Variants in ACYP2 observed in about 807,000 individuals in gnomAD.
The protein encoded by ACYP2 is acylphosphatase-2.
In ACYP2, 12 loss-of-function variants were observed where a neutral mutation model predicts 11.2. The ratio of observed to expected loss-of-function variants is 1.08; its 90% CI spans 0.69 to 1.74. ACYP2 has a LOEUF of 1.74. Among genes scored for constraint, ACYP2 ranks in the 40% most tolerant of loss-of-function variants. The probability of loss-of-function intolerance (pLI) is 0.00; values close to 1 mark genes in which losing one functional copy is unlikely to be tolerated. For synonymous variants in ACYP2, 43 were observed against 32.2 expected (o/e 1.33, Z -1.13); for missense variants, 134 against 101.9 (o/e 1.31, Z -1.35).
At chr2:54,244,317 T>G (rs1482573190) in intron 6 of ACYP2, among the ~76,000 whole-genome samples, 1 of 152,188 alleles carries the variant, frequency 6.6e-6, no homozygotes, top group East Asian at 1.9e-4. Context: ...TTCTTGCGCC[T>G]TAGCCTCCCC....
chr2:54,211,894 T>C (rs893728419), intron 6 of ACYP2, among the ~76,000 whole-genome samples: 1 of 152,222 alleles, frequency 6.6e-6, no homozygotes, highest in Non-Finnish European at 1.5e-5. Context: ...CCAGGAACTC[T>C]GCTTTCTTTC....
At chr2:54,219,905 A>ATATATTTTTT (rs1288814375) in intron 6 of ACYP2, among the ~76,000 whole-genome samples, 31 of 75,970 alleles carry the variant, frequency 4.1e-4, no homozygotes, top group South Asian at 1.2e-3. Context: ...ATATATATAT[A>ATATATTTTTT]TTTTTTTTTT....
intron 6 of ACYP2, among the ~76,000 whole-genome samples, chr2:54,298,898 C>G (rs1167247679): frequency 2.0e-5 from 3 of 152,186 alleles, no homozygotes; most frequent in Non-Finnish European, 4.4e-5. Context: ...CTTAACGGTG[C>G]ACACCACCAT....
At chr2:54,102,422 A>C (rs1049881764) in intron 4 of ACYP2, among the ~76,000 whole-genome samples, 1 of 152,072 alleles carries the variant, frequency 6.6e-6, no homozygotes, top group African/African-American at 2.4e-5. Context: ...CAAGAACTCA[A>C]ATGATGTCAC....
intron 6 of ACYP2, among the ~76,000 whole-genome samples, chr2:54,276,889 C>T (rs1008242345): frequency 3.9e-5 from 6 of 152,026 alleles, no homozygotes; most frequent in African/African-American, 9.7e-5. Flanking sequence ...TGGGGTCATC[C>T]GCTACATCCT....
intron 4 of ACYP2, among the ~76,000 whole-genome samples, chr2:54,093,812 C>T (rs191426861): frequency 2.6e-5 from 4 of 152,166 alleles, no homozygotes; most frequent in East Asian, 3.9e-4. Flanking sequence ...TGGTCGTGGG[C>T]GCCTGTAGTC....
intron 6 of ACYP2, among the ~76,000 whole-genome samples, chr2:54,175,621 CT>C (rs1005543152): frequency 4.0e-5 from 6 of 151,880 alleles, no homozygotes; most frequent in African/African-American, 1.4e-4. Context: ...TAATTGTGAT[CT>C]CCCAAAGTGC....
At chr2:54,063,271 C>G (rs1028898789) in intron 4 of ACYP2, among the ~76,000 whole-genome samples, 2 of 152,130 alleles carry the variant, frequency 1.3e-5, no homozygotes, top group Non-Finnish European at 2.9e-5. Flanking sequence ...CAGGTGTGAG[C>G]CACTGCACCT....
chr2:54,176,185 C>T (rs1204853004), intron 6 of ACYP2, among the ~76,000 whole-genome samples: 2 of 152,080 alleles, frequency 1.3e-5, no homozygotes, highest in East Asian at 1.9e-4. Context: ...GCATAAGGAC[C>T]GTATTTCTTA....
intron 6 of ACYP2, among the ~76,000 whole-genome samples, chr2:54,251,715 C>A (rs991182097): frequency 2.0e-5 from 3 of 152,184 alleles, no homozygotes; most frequent in Non-Finnish European, 4.4e-5. Flanking sequence ...GTCTCCAGAG[C>A]AAAGGGCAGG....
intron 6 of ACYP2, chr2:54,256,205 G>A (rs951143087): frequency 5.2e-6 from 8 of 1,537,228 alleles, no homozygotes; most frequent in Admixed American, 2.1e-5. Context: ...GGTAGGTAGC[G>A]TCAACGTTCC....
chr2:54,154,133 T>C (rs1468046047), intron 6 of ACYP2, among the ~76,000 whole-genome samples: 1 of 152,182 alleles, frequency 6.6e-6, no homozygotes, highest in Non-Finnish European at 1.5e-5. Context: ...ATAGGAATGC[T>C]ACTGATTTTT....
intron 4 of ACYP2, among the ~76,000 whole-genome samples, chr2:54,119,493 T>G (rs1680018911): frequency 6.6e-6 from 1 of 152,194 alleles, no homozygotes; most frequent in Admixed American, 6.5e-5. Context: ...TTGGGAACAT[T>G]TATTATGGAC....
intron 2 of ACYP2, among the ~76,000 whole-genome samples, chr2:54,010,603 T>A (rs887747067): frequency 1.3e-5 from 2 of 151,982 alleles, no homozygotes; most frequent in African/African-American, 2.4e-5. Flanking sequence ...CCCATAAAAA[T>A]TTTTTTTAAT....
intron 6 of ACYP2, among the ~76,000 whole-genome samples, chr2:54,297,890 G>C (rs540603063): frequency 1.3e-5 from 2 of 152,232 alleles, no homozygotes; most frequent in East Asian, 3.9e-4. Flanking sequence ...TGAAATGTTA[G>C]AATTGCCACT....
intron 4 of ACYP2, among the ~76,000 whole-genome samples, chr2:54,070,408 AT>A (rs1296616755): frequency 6.6e-6 from 1 of 152,196 alleles, no homozygotes; most frequent in African/African-American, 2.4e-5. Context: ...AGTGATTTAC[AT>A]TGAAGTCAAA....
chr2:54,169,593 G>A (rs889612281), intron 6 of ACYP2, among the ~76,000 whole-genome samples: 1 of 152,076 alleles, frequency 6.6e-6, no homozygotes, highest in East Asian at 1.9e-4. Context: ...GGAATTTGAT[G>A]TAAGTCTAGC....
intron 6 of ACYP2, among the ~76,000 whole-genome samples, chr2:54,300,869 A>G (rs1361786926): frequency 2.0e-5 from 3 of 152,380 alleles, no homozygotes; most frequent in Non-Finnish European, 4.4e-5. Context: ...ACTGGATATT[A>G]TCAAGCTTTT....
At chr2:54,092,299 A>AT (rs1266259223) in intron 4 of ACYP2, among the ~76,000 whole-genome samples, 5 of 152,200 alleles carry the variant, frequency 3.3e-5, no homozygotes, top group African/African-American at 4.8e-5. Flanking sequence ...AGCAGGAAAA[A>AT]TGGATCCTGA....
Sources: allele counts gnomAD v4.1 joint callset (sites outside exome capture counted in the v4.1 genomes callset), GRCh38; gene constraint gnomAD v4.1.1; transcripts MANE v1.5; gene names NCBI Gene and HGNC (gene_info 2026-07-23, HGNC 2026-07-21).